The following TAOK1 variants were observed in gnomAD, a reference collection of about 807,000 sequenced individuals.
The protein encoded by TAOK1 is serine/threonine-protein kinase TAO1.
Under a neutral mutation model 138.3 loss-of-function variants are expected in TAOK1, and 21 were observed. That is an observed-to-expected ratio of 0.15 (90% CI 0.11 to 0.22). The LOEUF (loss-of-function observed/expected upper bound fraction) is 0.22. Ranked by LOEUF, TAOK1 falls within the 10% of genes least tolerant of loss-of-function variation. TAOK1 has a pLI of 1.00. For missense variants in TAOK1, 651 were observed against 1,227.7 expected (o/e 0.53, Z 7.02); for synonymous variants, 361 against 398.4 (o/e 0.91, Z 1.12).
intron 1 of TAOK1, among the ~76,000 whole-genome samples, chr17:29,399,349 T>A (rs1284158355): frequency 6.6e-6 from 1 of 150,606 alleles, no homozygotes; most frequent in South Asian, 2.1e-4. Context: ...GGAGTCTCGC[T>A]CTGTTGCCCA....
In TAOK1 at chr17:29,542,980, C is replaced by T; in HGVS notation, c.2964C>T (p.Val988=). 6.2e-7 allele frequency: 1 copy of T among 1,608,780 alleles called. No homozygotes were observed. The highest frequency in any genetic ancestry group is 8.5e-7 in the Non-Finnish European group (1 of 1,176,850). ...TEQGMSRSTS[V]TSQISNGSHM... is the part of the protein sequence containing the mutation. ...AGGGCATGAGCAGAAGCACGAGTGT[C>T]ACTTCACAAATATCCAATGGGTCAC... The change falls in exon 20 of 20, where the codon GTC becomes GTT. Residue 988 remains valine, a synonymous_variant. Transcript: ENST00000261716.
chr17:29,516,116 C>T (rs1460899403), intron 15 of TAOK1, among the ~76,000 whole-genome samples: 1 of 151,256 alleles, frequency 6.6e-6, no homozygotes, highest in Non-Finnish European at 1.5e-5. Flanking sequence ...CCTGCACCAC[C>T]ATGCCTGGCT....
At chr17:29,467,100 C>T in intron 2 of TAOK1, 45 bp from the exon 3 acceptor site, 1 of 1,435,026 alleles carries the variant, frequency 7.0e-7, no homozygotes, top group Non-Finnish European at 9.6e-7. Context: ...GCCTAGATTT[C>T]ACCTGTTAAT....
At chr17:29,436,936 A>G (rs1328471797) in intron 1 of TAOK1, among the ~76,000 whole-genome samples, 1 of 152,218 alleles carries the variant, frequency 6.6e-6, no homozygotes, top group Non-Finnish European at 1.5e-5. Flanking sequence ...GATTTTGGGA[A>G]GGCTGCTAAA....
At chr17:29,409,811 A>G (rs1423128967) in intron 1 of TAOK1, among the ~76,000 whole-genome samples, 1 of 152,078 alleles carries the variant, frequency 6.6e-6, no homozygotes, top group East Asian at 1.9e-4. Flanking sequence ...AGTATCTGTA[A>G]CATTCTTGTG....
intron 14 of TAOK1, 52 bp from the exon 15 acceptor site, chr17:29,510,812 C>T: frequency 7.4e-7 from 1 of 1,358,852 alleles, no homozygotes; most frequent in Non-Finnish European, 9.9e-7. Context: ...TATATTAAAC[C>T]ACTACTTTAT....
intron 16 of TAOK1, among the ~76,000 whole-genome samples, chr17:29,519,046 TG>T (rs2031870360): frequency 6.6e-6 from 1 of 152,072 alleles, no homozygotes; most frequent in Non-Finnish European, 1.5e-5. Flanking sequence ...GGATTACAGG[TG>T]TGAGCCACAG....
chr17:29,401,678 C>G (rs1372347206), intron 1 of TAOK1, among the ~76,000 whole-genome samples: 1 of 150,734 alleles, frequency 6.6e-6, no homozygotes, highest in Non-Finnish European at 1.5e-5. Flanking sequence ...TTTTTTGAGA[C>G]AGGGTTTTAC....
chr17:29,395,615 A>G (rs1478617947), intron 1 of TAOK1, among the ~76,000 whole-genome samples: 2 of 151,564 alleles, frequency 1.3e-5, no homozygotes, highest in African/African-American at 2.4e-5. Flanking sequence ...CAGAGTACCA[A>G]CATATGCTCA....
In TAOK1 at chr17:29,496,786, A is replaced by G. The variant is rs1285694057; in HGVS notation, c.999+1059A>G. On this transcript the variant is annotated intron_variant, in intron 11 of 19. Coordinates refer to ENST00000261716, the MANE Select transcript of TAOK1 (RefSeq NM_020791.4). ...ATGTTTAGTAGAGACCGGTTTCGCT[A>G]TGTTGGCCAGGCTGTTCTCCATCTC... Among the ~76,000 whole-genome samples the G allele has an allele frequency of 3.3e-5, 5 of 150,898 alleles. No homozygotes were observed. In the South Asian group the frequency reaches 8.4e-4, roughly 25 times the overall value.
chr17:29,410,635 G>GTTTTTT (rs1207404073), intron 1 of TAOK1, among the ~76,000 whole-genome samples: 6 of 136,888 alleles, frequency 4.4e-5, no homozygotes, highest in Admixed American at 7.4e-5. Context: ...TTTTTTTTTG[G>GTTTTTT]TTTTTTTTTT....
intron 1 of TAOK1, among the ~76,000 whole-genome samples, chr17:29,420,674 C>T (rs1346076722): frequency 6.6e-6 from 1 of 151,530 alleles, no homozygotes; most frequent in Non-Finnish European, 1.5e-5. Context: ...CAACCTCCGC[C>T]TCCCGGGTTC....
intron 1 of TAOK1, among the ~76,000 whole-genome samples, chr17:29,438,199 A>G (rs2153023184): frequency 6.6e-6 from 1 of 152,238 alleles, no homozygotes; most frequent in South Asian, 2.1e-4. Context: ...TATTTTTATT[A>G]TTTTTATTTT....
intron 1 of TAOK1, among the ~76,000 whole-genome samples, chr17:29,411,964 C>T (rs1394552843): frequency 2.0e-5 from 3 of 152,016 alleles, no homozygotes; most frequent in Non-Finnish European, 4.4e-5. Context: ...CTTTGATTGA[C>T]CCCTCCATAT....
intron 14 of TAOK1, among the ~76,000 whole-genome samples, chr17:29,510,414 G>C (rs1245887200): frequency 6.6e-6 from 1 of 152,040 alleles, no homozygotes. Context: ...AATTGCAAAA[G>C]ATATGCACCA....
At chr17:29,458,002 T>TGGGA (rs1693756285) in intron 2 of TAOK1, among the ~76,000 whole-genome samples, 1 of 151,666 alleles carries the variant, frequency 6.6e-6, no homozygotes, top group South Asian at 2.1e-4. Context: ...CCCAGCTACT[T>TGGGA]GGGAGGCTAA....
chr17:29,403,160 C>CAA (rs34253777), intron 1 of TAOK1, among the ~76,000 whole-genome samples: 14,916 of 59,644 alleles, frequency 0.25, 2,863 homozygotes, highest in East Asian at 0.65. Context: ...GATTTTGTCT[C>CAA]AAAAAAAAAA....
At chr17:29,429,802 CCTT>C (rs1255218719) in intron 1 of TAOK1, among the ~76,000 whole-genome samples, 2 of 152,092 alleles carry the variant, frequency 1.3e-5, no homozygotes, top group African/African-American at 2.4e-5. Flanking sequence ...ACCACCCAAC[CCTT>C]CAGGCACTTG....
intron 4 of TAOK1, among the ~76,000 whole-genome samples, chr17:29,476,802 TTTTTG>T (rs1377766542): frequency 2.6e-5 from 4 of 152,130 alleles, no homozygotes; most frequent in African/African-American, 9.7e-5. Flanking sequence ...TTATATTGGC[TTTTTG>T]TTTTATTTTT....
Sources: gnomAD v4.1 joint callset for allele counts (sites outside exome capture counted in the v4.1 genomes callset) on GRCh38, gnomAD v4.1.1 for gene constraint, MANE v1.5 for transcripts, NCBI Gene and HGNC (gene_info 2026-07-23, HGNC 2026-07-21) for gene names.